The following ASB11 variants were observed in gnomAD, a reference collection of about 807,000 sequenced individuals.
The protein encoded by ASB11 is ankyrin repeat and SOCS box containing 11.
ASB11 carries 17 observed loss-of-function variants against 20.1 expected under a neutral mutation model. That is an observed-to-expected ratio of 0.85 (90% CI 0.58 to 1.27). The LOEUF (loss-of-function observed/expected upper bound fraction) is 1.27. Ranked by LOEUF, ASB11 falls within the 50% of genes most tolerant of loss-of-function variation. ASB11 has a pLI of 0.00. For missense variants in ASB11, 259 were observed against 256.9 expected (o/e 1.01, Z -0.06); for synonymous variants, 107 against 105.6 (o/e 1.01, Z -0.08).
At chrX:15,311,522 GAA>G (rs1012233393) in intron 1 of ASB11, among the ~76,000 whole-genome samples, 2 of 112,667 alleles carry the variant, frequency 1.8e-5, no homozygotes, top group African/African-American at 6.4e-5. Context: ...TATTGGAATG[GAA>G]AAGACAGGAA....
At chrX:15,311,016 C>G (rs944144823) in intron 1 of ASB11, among the ~76,000 whole-genome samples, 11 of 111,959 alleles carry the variant, frequency 9.8e-5, no homozygotes, top group Admixed American at 9.5e-4. Context: ...TCATATGAAA[C>G]AAATCTTCTG....
In ASB11 at chrX:15,283,016, G is replaced by GTA. The variant is rs200099511; in HGVS notation, c.*487_*488dup. The GTA allele has an allele frequency of 5.2e-3, 541 of 104,113 alleles. 2 individuals carry two copies. The highest frequency in any genetic ancestry group is 0.015 in the African/African-American group (410 of 28,227). The allele number at this position is 104,113 out of a possible 1,213,427, so 8.6% of individuals were successfully genotyped here. On this transcript the variant is annotated 3_prime_UTR_variant, in exon 7 of 7. Transcript: ENST00000480796. ...CGTATATGTATGTATATATATATAC[G>GTA]TATATATATACAAAAAATCAAAATT...
chrX:15,309,967 CAAAAAAAAA>C (rs60765469), intron 1 of ASB11, among the ~76,000 whole-genome samples: 3 of 15,529 alleles, frequency 1.9e-4, no homozygotes, highest in South Asian at 7.6e-3. Flanking sequence ...GACTCCGTCT[CAAAAAAAAA>C]AAAAAAAAAA....
At chrX:15,312,268 A>G (rs940054992) in intron 1 of ASB11, among the ~76,000 whole-genome samples, 1 of 109,531 alleles carries the variant, frequency 9.1e-6, no homozygotes, top group Non-Finnish European at 1.9e-5. Context: ...CAAAATAAAC[A>G]AAGAAGCTTA....
intron 4 of ASB11, among the ~76,000 whole-genome samples, chrX:15,291,244 T>C (rs1254354565): frequency 9.0e-6 from 1 of 111,630 alleles, no homozygotes; most frequent in Non-Finnish European, 1.9e-5. Context: ...ATGTGTTTAT[T>C]ATGAGCATAT....
Position 15,283,589 on chromosome X carries a change from C to G in ASB11, c.888G>C (p.Arg296=). 1 of 1,210,089 alleles carries G rather than the reference C, an allele frequency of 8.3e-7. No individual in the cohort carries two copies. The highest frequency in any genetic ancestry group is 1.7e-5 in the African/African-American group (1 of 57,558). ...GATGACATGCTCGACCGAGACACTT[C>G]CGGACACACAGGCGGCAGAGCTGGG... ...ALSQLCRLCV[R]KCLGRACHQA... is the part of the protein sequence containing the mutation. Residue 296 remains arginine (R), a synonymous_variant, in exon 7 of 7, where the codon CGG becomes CGC. Transcript: ENST00000480796.
At chrX:15,295,188 G>A (rs773872500) in intron 3 of ASB11, among the ~76,000 whole-genome samples, 3 of 110,477 alleles carry the variant, frequency 2.7e-5, no homozygotes, top group East Asian at 2.8e-4. Context: ...GACTACAGGC[G>A]CGTGCCACCA....
chrX:15,290,427 A>T (rs1439167580), intron 4 of ASB11, among the ~76,000 whole-genome samples: 1 of 112,416 alleles, frequency 8.9e-6, no homozygotes, highest in African/African-American at 3.2e-5. Context: ...CTGCAACAGT[A>T]CTTTGGTTAG....
chrX:15,307,282 A>C (rs1374977941), intron 1 of ASB11, among the ~76,000 whole-genome samples: 1 of 112,072 alleles, frequency 8.9e-6, no homozygotes, highest in Non-Finnish European at 1.9e-5. Flanking sequence ...AGCCAGACAC[A>C]AAAGAACATG....
chrX:15,307,843 A>G (rs1303061429), intron 1 of ASB11, among the ~76,000 whole-genome samples: 1 of 112,233 alleles, frequency 8.9e-6, no homozygotes, highest in East Asian at 2.8e-4. Context: ...TTGTTCACTT[A>G]GGATTTGTGC....
At chrX:15,301,109 C>T (rs1336275636) in intron 2 of ASB11, among the ~76,000 whole-genome samples, 1 of 110,718 alleles carries the variant, frequency 9.0e-6, no homozygotes, top group Admixed American at 9.7e-5. Context: ...ATTATAGGCG[C>T]CCACCACCAC....
chrX:15,300,641 G>A (rs1281032519), intron 2 of ASB11, among the ~76,000 whole-genome samples: 3 of 111,780 alleles, frequency 2.7e-5, no homozygotes, highest in Non-Finnish European at 5.6e-5. Context: ...TAGGACATGA[G>A]AGGAAAAACT....
chrX:15,311,073 A>T (rs1454455872), intron 1 of ASB11, among the ~76,000 whole-genome samples: 1 of 113,065 alleles, frequency 8.8e-6, no homozygotes. Context: ...TTTAATTTTG[A>T]ACCAAAATAC....
At chrX:15,307,346 A>C (rs940542998) in intron 1 of ASB11, among the ~76,000 whole-genome samples, 4 of 112,411 alleles carry the variant, frequency 3.6e-5, no homozygotes, top group Non-Finnish European at 7.5e-5. Context: ...TTTGCCACCA[A>C]GGACTGGTTT....
intron 4 of ASB11, chrX:15,290,067 T>C (rs1159321921): frequency 8.8e-6 from 1 of 114,013 alleles, no homozygotes; most frequent in Non-Finnish European, 1.8e-5. Context: ...CTAGATCTCT[T>C]TTTGTAGCAT....
At chrX:15,308,860 G>A (rs1921328961) in intron 1 of ASB11, among the ~76,000 whole-genome samples, 2 of 111,753 alleles carry the variant, frequency 1.8e-5, no homozygotes, top group African/African-American at 6.5e-5. Context: ...TCCGTGGCCT[G>A]TTAGGAACCG....
chrX:15,284,266 A>G (rs1407270659), intron 6 of ASB11, among the ~76,000 whole-genome samples: 13 of 107,390 alleles, frequency 1.2e-4, no homozygotes, highest in African/African-American at 4.4e-4. Context: ...AAAAAAAAAA[A>G]AAAAGAAAGA....
intron 2 of ASB11, 116 bp from the exon 3 acceptor site, chrX:15,297,797 A>C (rs1920982334): frequency 4.6e-6 from 3 of 654,836 alleles, no homozygotes; most frequent in Non-Finnish European, 7.1e-6. Context: ...CAGCATCCTG[A>C]GTAGCTGGGA....
chrX:15,314,339 T>G (rs780425517), intron 1 of ASB11: 4 of 1,083,091 alleles, frequency 3.7e-6, no homozygotes, highest in Non-Finnish European at 3.6e-6. Flanking sequence ...CTTTTTTTTT[T>G]TTTTTTTGTA....
Sources: gnomAD v4.1 joint callset for allele counts (sites outside exome capture counted in the v4.1 genomes callset) on GRCh38, gnomAD v4.1.1 for gene constraint, MANE v1.5 for transcripts, NCBI Gene and HGNC (gene_info 2026-07-23, HGNC 2026-07-21) for gene names.